Variants in STAC2 observed in about 807,000 individuals in gnomAD.
The protein encoded by STAC2 is SH3 and cysteine rich domain 2.
Under a neutral mutation model 49.0 loss-of-function variants are expected in STAC2, and 36 were observed. The observed-to-expected ratio is 0.74, with a 90% CI of 0.56 to 0.97. The LOEUF (loss-of-function observed/expected upper bound fraction) is 0.97, where lower values mean the gene tolerates loss of function less well. STAC2 is among the 50% of genes least tolerant of loss of function. The probability of loss-of-function intolerance (pLI) is 0.00; values close to 1 mark genes in which losing one functional copy is unlikely to be tolerated. For synonymous variants in STAC2, 239 were observed against 214.7 expected, an observed-to-expected ratio of 1.11 and a Z score of -0.99; for missense variants, 527 against 543.8, an observed-to-expected ratio of 0.97 and a Z score of 0.31.
At chr17:39,212,466 C>T (rs975254667) in intron 10 of STAC2, 70 bp from the exon 11 acceptor site, 3 of 1,267,974 alleles carry the variant, frequency 2.4e-6, no homozygotes, top group Admixed American at 4.0e-5. Flanking sequence ...CTGCCCATGG[C>T]CCCCAGGGGA....
intron 1 of STAC2, among the ~76,000 whole-genome samples, chr17:39,218,686 A>C (rs1254308136): frequency 6.6e-6 from 1 of 151,872 alleles, no homozygotes; most frequent in Non-Finnish European, 1.5e-5. Context: ...ACATAAATAG[A>C]TTCATCATTC....
At chr17:39,223,473 T>G (rs2046481414) in intron 1 of STAC2, among the ~76,000 whole-genome samples, 1 of 152,154 alleles carries the variant, frequency 6.6e-6, no homozygotes, top group Non-Finnish European at 1.5e-5. Context: ...ATCAGGGGTG[T>G]AACCCCTCCC....
chr17:39,225,921 G>T lies in STAC2; in HGVS notation c.-419C>A. 1 of 223,452 alleles carries T rather than the reference G, an allele frequency of 4.5e-6. No homozygotes were observed. The highest frequency in any genetic ancestry group is 5.3e-5 in the South Asian group (1 of 18,778). The allele number at this position is 223,452 out of a possible 1,614,324, so 13.8% of individuals were successfully genotyped here. On this transcript the variant is annotated 5_prime_UTR_variant, in exon 1 of 11. Coordinates refer to ENST00000333461, the MANE Select transcript of STAC2 (RefSeq NM_198993.5). The surrounding 1 kb of genome is among the most constrained non-coding windows in gnomAD (Gnocchi z 8.2). ...CAGCCCGGCACCCGGCGGCCCCTCC[G>T]CCCAGTCCTCGCCGCCCAACTTTGA...
At chr17:39,217,738 C>A in intron 2 of STAC2, 129 bp downstream of exon 2, 1 of 936,654 alleles carries the variant, frequency 1.1e-6, no homozygotes. Context: ...AAAAAAGAGG[C>A]ACAGAGGCAC....
At position 39,212,247 on chromosome 17, in the gene STAC2, G is replaced by C. The variant is rs1410926401; in HGVS notation, c.*45C>G. 1 of 1,452,878 alleles carries C rather than the reference G, an allele frequency of 6.9e-7. No homozygotes were observed. The highest frequency in any genetic ancestry group is 1.2e-5 in the South Asian group (1 of 83,504). 90.0% of individuals were successfully genotyped at this position (1,452,878 alleles called of 1,614,324 possible). On this transcript the variant is annotated 3_prime_UTR_variant, in exon 11 of 11. Coordinates refer to ENST00000333461, the MANE Select transcript of STAC2 (RefSeq NM_198993.5). ...GATCCCCTCCCTGGCCAGAAGCAAGGTCCAGGCATGGGCAAGGGTGTCATC... is the reference window on the plus strand; with the variant it reads ...GATCCCCTCCCTGGCCAGAAGCAAGCTCCAGGCATGGGCAAGGGTGTCATC...
At position 39,211,950 on chromosome 17, in the gene STAC2, A is replaced by C; in HGVS notation, c.*342T>G. The C allele has an allele frequency of 8.4e-6, 2 of 237,566 alleles. No homozygotes were observed. The highest frequency in any genetic ancestry group is 1.7e-5 in the Non-Finnish European group (2 of 120,366). The allele number at this position is 237,566 out of a possible 1,614,324, so 14.7% of individuals were successfully genotyped here. ...GTGTGGGCAGGGGAAGGCTGGGAGA[A>C]GCAGCAAATAAATTCCCCAGGAATC... is the stretch of plus-strand genomic sequence containing the variant. On this transcript the variant is annotated 3_prime_UTR_variant, in exon 11 of 11. Coordinates refer to ENST00000333461, the MANE Select transcript of STAC2 (RefSeq NM_198993.5).
rs777966874 is a variant in STAC2 at position 39,214,284 on chromosome 17, T to A, written c.890A>T (p.Tyr297Phe). 7 of 1,614,074 alleles carry A rather than the reference T, an allele frequency of 4.3e-6. No individual in the cohort carries two copies. The highest frequency in any genetic ancestry group is 5.9e-6 in the Non-Finnish European group (7 of 1,179,968). Residue 297 changes from tyrosine to phenylalanine, a missense_variant, in exon 8 of 11, where the codon TAC becomes TTC. By Grantham distance (22) the Tyr-to-Phe change is conservative. Coordinates refer to ENST00000333461, the MANE Select transcript of STAC2 (RefSeq NM_198993.5). ...LRKDVGPMYSYVALYKFLPQE... is the reference protein window; with the variant it reads ...LRKDVGPMYSFVALYKFLPQE... ...GGGCAGAAACTTGTAGAGTGCAACGTAGGAGTACATGGGCCCCACATCCTT... is the reference window on the plus strand; with the variant it reads ...GGGCAGAAACTTGTAGAGTGCAACGAAGGAGTACATGGGCCCCACATCCTT...
chr17:39,214,691 C>A, intron 7 of STAC2, 100 bp downstream of exon 7: 1 of 1,391,660 alleles, frequency 7.2e-7, no homozygotes. Flanking sequence ...GCAGTGAATC[C>A]CCACGCACCA....
intron 3 of STAC2, 66 bp downstream of exon 3, chr17:39,217,010 C>T (rs752101380): frequency 1.2e-6 from 2 of 1,605,204 alleles, no homozygotes; most frequent in Non-Finnish European, 1.7e-6. Context: ...CTGAGGGATA[C>T]TCATTCTCCC....
chr17:39,224,228 C>T (rs1404965257), intron 1 of STAC2, among the ~76,000 whole-genome samples: 2 of 152,202 alleles, frequency 1.3e-5, no homozygotes. Flanking sequence ...GAACCCAGGA[C>T]GCCTCCGGAG....
rs756767397 is a variant in STAC2, at chr17:39,213,563, G to T, written c.942-5C>A. The stretch of plus-strand genomic sequence containing the variant: ...AGCATGATCCGATCTCCAGGCCTGG[G>T]GAGGACAGAGCTAGGGTTGCATATG... On this transcript the variant is annotated splice_region_variant and splice_polypyrimidine_tract_variant and intron_variant, in intron 8 of 10. Transcript: ENST00000333461. The T allele has an allele frequency of 6.2e-7, 1 of 1,613,872 alleles. No individual in the cohort carries two copies. Among genetic ancestry groups the T allele is most frequent in the Admixed American group, 1.7e-5 (1 of 60,002 alleles).
intron 4 of STAC2, among the ~76,000 whole-genome samples, chr17:39,215,519 A>C (rs971345379): frequency 6.6e-6 from 1 of 152,132 alleles, no homozygotes; most frequent in Non-Finnish European, 1.5e-5. Context: ...CTAGCAGTCT[A>C]ATTCACATCA....
rs1449119978 is a variant in STAC2 at position 39,213,146 on chromosome 17, T to C, written c.994-14A>G. 2 of 1,604,380 alleles carry C rather than the reference T, an allele frequency of 1.2e-6. No homozygotes were observed. The highest frequency in any genetic ancestry group is 2.2e-5 in the South Asian group (2 of 91,086). ...GCCGATCTTGCCCTGGGGATGAGGTTGGCAATGAACACCCGCGCCACACCC... is the reference window on the plus strand; with the variant it reads ...GCCGATCTTGCCCTGGGGATGAGGTCGGCAATGAACACCCGCGCCACACCC... On this transcript the variant is annotated splice_polypyrimidine_tract_variant and intron_variant, in intron 9 of 10. Transcript: ENST00000333461.
intron 1 of STAC2, among the ~76,000 whole-genome samples, chr17:39,224,260 G>T (rs902993250): frequency 3.3e-5 from 5 of 152,210 alleles, no homozygotes; most frequent in Non-Finnish European, 5.9e-5. Context: ...ATCATTTCTG[G>T]TCCTCACTGT....
At chr17:39,224,903 G>A (rs1272012326) in intron 1 of STAC2, among the ~76,000 whole-genome samples, 1 of 152,176 alleles carries the variant, frequency 6.6e-6, no homozygotes, top group Non-Finnish European at 1.5e-5. Flanking sequence ...GAGGGGCAGG[G>A]AGAGACGCCC....
intron 3 of STAC2, 32 bp downstream of exon 3, chr17:39,217,044 A>G (rs368964696): frequency 6.2e-7 from 1 of 1,610,608 alleles, no homozygotes; most frequent in South Asian, 1.1e-5. Context: ...GGCAGCACTC[A>G]GCTGGCCATC....
chr17:39,210,749 TC>T lies in STAC2; in HGVS notation c.*1542del, dbSNP rs1344561513. On this transcript the variant is annotated 3_prime_UTR_variant, in exon 11 of 11. Coordinates refer to ENST00000333461, the MANE Select transcript of STAC2 (RefSeq NM_198993.5). ...GCCTTTGGGTACGAGGGTCTGTGTT[TC>T]TCCCACTGCATGGGAGGGTGTAACT... The T allele has an allele frequency of 6.6e-6, 1 of 152,310 alleles. No individual in the cohort carries two copies. The highest frequency in any genetic ancestry group is 1.5e-5 in the Non-Finnish European group (1 of 68,014). 9.4% of individuals were successfully genotyped at this position (152,310 alleles called of 1,614,324 possible).
At chr17:39,220,842 G>A (rs2144256470) in intron 1 of STAC2, among the ~76,000 whole-genome samples, 1 of 151,888 alleles carries the variant, frequency 6.6e-6, no homozygotes, top group South Asian at 2.1e-4. Flanking sequence ...TGTCGCCCAG[G>A]CTGGAGTGCA....
intron 1 of STAC2, among the ~76,000 whole-genome samples, chr17:39,218,506 C>T (rs1213536092): frequency 2.6e-5 from 4 of 152,096 alleles, no homozygotes; most frequent in Non-Finnish European, 4.4e-5. Context: ...GAGGCTGTTG[C>T]CAGGTTTTCT....
Sources: allele counts gnomAD v4.1 joint callset (sites outside exome capture counted in the v4.1 genomes callset), GRCh38; gene constraint gnomAD v4.1.1; non-coding constraint Gnocchi (gnomAD v3.1); transcripts MANE v1.5; gene names NCBI Gene and HGNC (gene_info 2026-07-23, HGNC 2026-07-21).